Variants in SEMA3A observed in about 807,000 individuals in gnomAD.
The protein encoded by SEMA3A is semaphorin 3A.
In SEMA3A, 29 loss-of-function variants were observed where a neutral mutation model predicts 97.9. The observed-to-expected ratio is 0.30, with a 90% CI of 0.22 to 0.40. The LOEUF (loss-of-function observed/expected upper bound fraction) is 0.40. Among genes scored for constraint, SEMA3A ranks in the 10% least tolerant of loss-of-function variants. SEMA3A has a pLI of 1.00. For synonymous variants in SEMA3A, 321 were observed against 323.7 expected, an observed-to-expected ratio of 0.99 and a Z score of 0.09; for missense variants, 763 against 951.3, an observed-to-expected ratio of 0.80 and a Z score of 2.60.
intron 1 of SEMA3A, among the ~76,000 whole-genome samples, chr7:84,391,119 A>C (rs939854746): frequency 6.6e-6 from 1 of 152,166 alleles, no homozygotes; most frequent in Non-Finnish European, 1.5e-5. Flanking sequence ...GCATGGAAAC[A>C]TCAGCCTTAT....
At position 84,265,959 on chromosome 7, in the gene SEMA3A, T is replaced by C. The variant is rs368857969; in HGVS notation, c.-83+41248A>G. ...AATGACTTCTTAAATCCTAAAGAAT[T>C]TGAATATAATTTAGTAATAAATGAG... On this transcript the variant is annotated intron_variant, in intron 3 of 3. Transcript: ENST00000424555. Among the ~76,000 whole-genome samples, 11 of 152,312 alleles carry C rather than the reference T, an allele frequency of 7.2e-5. No individual in the cohort carries two copies. In the South Asian group the frequency reaches 1.4e-3, roughly 20 times the overall value.
intron 4 of SEMA3A, among the ~76,000 whole-genome samples, chr7:84,088,414 A>G (rs939793481): frequency 6.6e-6 from 1 of 151,964 alleles, no homozygotes; most frequent in Non-Finnish European, 1.5e-5. Flanking sequence ...AGATCGCACC[A>G]CTGCACTCCA....
chr7:84,351,794 C>A (rs1233306610), intron 2 of SEMA3A, among the ~76,000 whole-genome samples: 1 of 151,776 alleles, frequency 6.6e-6, no homozygotes, highest in Non-Finnish European at 1.5e-5. Context: ...ACAGCCACTA[C>A]GGAGTATAAC....
intron 1 of SEMA3A, among the ~76,000 whole-genome samples, chr7:84,455,194 T>G (rs2116374842): frequency 6.6e-6 from 1 of 152,064 alleles, no homozygotes; most frequent in East Asian, 1.9e-4. Context: ...TTTTCATTTT[T>G]TATGAAGTTG....
At chr7:84,270,972 G>T (rs1800134335) in intron 3 of SEMA3A, among the ~76,000 whole-genome samples, 1 of 151,884 alleles carries the variant, frequency 6.6e-6, no homozygotes, top group African/African-American at 2.4e-5. Context: ...CATTTTTTCA[G>T]ATTAGTAGTA....
intron 1 of SEMA3A, among the ~76,000 whole-genome samples, chr7:84,181,051 G>A (rs1380019392): frequency 6.6e-6 from 1 of 151,966 alleles, no homozygotes; most frequent in Non-Finnish European, 1.5e-5. Context: ...ATGAACTTAT[G>A]CTTTTTCTTC....
chr7:84,177,791 T>A (rs187744667), intron 1 of SEMA3A, among the ~76,000 whole-genome samples: 1 of 152,270 alleles, frequency 6.6e-6, no homozygotes, highest in Non-Finnish European at 1.5e-5. Flanking sequence ...TTGTTTTCTC[T>A]GGATTCCACT....
At chr7:83,986,856 T>TA (rs57411252) in intron 12 of SEMA3A, among the ~76,000 whole-genome samples, 57,886 of 151,616 alleles carry the variant, frequency 0.38, 11,534 homozygotes, top group Middle Eastern at 0.49. Flanking sequence ...GTACCTCTTA[T>TA]GGGGTGGTGA....
chr7:84,081,409 G>A (rs746848086), intron 4 of SEMA3A, among the ~76,000 whole-genome samples: 15 of 151,912 alleles, frequency 9.9e-5, no homozygotes, highest in Non-Finnish European at 1.3e-4. Flanking sequence ...TGGCTAACAC[G>A]GTGAAACCCC....
intron 12 of SEMA3A, among the ~76,000 whole-genome samples, chr7:83,988,075 T>C (rs948044670): frequency 6.6e-6 from 1 of 152,234 alleles, no homozygotes; most frequent in Non-Finnish European, 1.5e-5. Context: ...CTTGGAATTC[T>C]TTATTAATTA....
At chr7:84,028,782 TA>T (rs1272998356) in intron 6 of SEMA3A, among the ~76,000 whole-genome samples, 1 of 151,976 alleles carries the variant, frequency 6.6e-6, no homozygotes, top group African/African-American at 2.4e-5. Flanking sequence ...TTTTTATTTT[TA>T]TTTTTTTTTG....
chr7:84,297,165 C>T (rs567503328), intron 3 of SEMA3A, among the ~76,000 whole-genome samples: 17 of 152,034 alleles, frequency 1.1e-4, no homozygotes, highest in East Asian at 5.8e-4. Flanking sequence ...TTAGTAGAGA[C>T]GGAGTTTCAC....
At chr7:84,409,973 C>T (rs1035546303) in intron 1 of SEMA3A, among the ~76,000 whole-genome samples, 4 of 151,954 alleles carry the variant, frequency 2.6e-5, no homozygotes, top group Non-Finnish European at 5.9e-5. Flanking sequence ...TTCTTAATAG[C>T]TTTCATTTTT....
upstream of SEMA3A, among the ~76,000 whole-genome samples, chr7:84,196,353 T>TTCTCTCTCTCTCTC (rs60887913): frequency 9.4e-3 from 1,408 of 149,220 alleles, 21 homozygotes; most frequent in African/African-American, 0.032. Context: ...TCGCTCTGCT[T>TTCTCTCTCTCTCTC]TCTCTCTCTC....
chr7:84,151,704 T>C (rs1364642655), intron 1 of SEMA3A, among the ~76,000 whole-genome samples: 3 of 152,038 alleles, frequency 2.0e-5, no homozygotes, highest in Non-Finnish European at 4.4e-5. Flanking sequence ...TGGGATCTCA[T>C]TAAACTAAAG....
At chr7:84,353,371 T>C (rs1802480695) in intron 2 of SEMA3A, among the ~76,000 whole-genome samples, 2 of 151,658 alleles carry the variant, frequency 1.3e-5, no homozygotes, top group African/African-American at 2.4e-5. Context: ...CATCTTCCTT[T>C]CTCTTTTATT....
chr7:84,169,417 T>C (rs1380514106), intron 1 of SEMA3A, among the ~76,000 whole-genome samples: 2 of 150,738 alleles, frequency 1.3e-5, no homozygotes, highest in Non-Finnish European at 3.0e-5. Flanking sequence ...TAATCATTTA[T>C]GTATTTAAAT....
intron 2 of SEMA3A, among the ~76,000 whole-genome samples, chr7:84,352,043 A>G (rs1261107857): frequency 7.1e-6 from 1 of 141,436 alleles, no homozygotes; most frequent in African/African-American, 3.0e-5. Context: ...AGCCATAAGA[A>G]AAAAAAAAAA....
intron 12 of SEMA3A, among the ~76,000 whole-genome samples, chr7:84,000,911 C>A (rs1584529920): frequency 1.3e-5 from 2 of 152,020 alleles, no homozygotes; most frequent in African/African-American, 4.8e-5. Flanking sequence ...AAACTGCTTA[C>A]CATTAAAATA....
Sources: gnomAD v4.1 joint callset for allele counts (sites outside exome capture counted in the v4.1 genomes callset) on GRCh38, gnomAD v4.1.1 for gene constraint, MANE v1.5 for transcripts, NCBI Gene and HGNC (gene_info 2026-07-23, HGNC 2026-07-21) for gene names.